ARHGEF3: variants seen among roughly 807,000 people sequenced by gnomAD.
The protein encoded by ARHGEF3 is Rho guanine nucleotide exchange factor 3, also known as 59.8 kDA protein.
In ARHGEF3, 28 loss-of-function variants were observed where a neutral mutation model predicts 63.2. The ratio of observed to expected loss-of-function variants is 0.44; its 90% CI spans 0.33 to 0.61. ARHGEF3 has a LOEUF of 0.61. ARHGEF3 is among the 20% of genes least tolerant of loss of function. The pLI is 0.03. For missense variants in ARHGEF3, 533 were observed against 659.3 expected (o/e 0.81, Z 2.10); for synonymous variants, 266 against 254.2 (o/e 1.05, Z -0.44).
chr3:56,780,857 T>C (rs1311311079), intron 1 of ARHGEF3, among the ~76,000 whole-genome samples: 1 of 152,258 alleles, frequency 6.6e-6, no homozygotes, highest in African/African-American at 2.4e-5. Flanking sequence ...TTACTGGTGA[T>C]GTTAACTTTG....
chr3:56,970,134 T>C, intron 2 of ARHGEF3, among the ~76,000 whole-genome samples: 1 of 152,194 alleles, frequency 6.6e-6, no homozygotes, highest in East Asian at 1.9e-4. Context: ...GTGCACAACC[T>C]TGTGAATGTA....
At chr3:56,873,790 T>C (rs1252394490) in intron 4 of ARHGEF3, among the ~76,000 whole-genome samples, 3 of 152,118 alleles carry the variant, frequency 2.0e-5, no homozygotes, top group African/African-American at 7.2e-5. Context: ...GAAACTGAGG[T>C]ACAGAATGAT....
chr3:57,012,803 C>G (rs1702758308), intron 2 of ARHGEF3, among the ~76,000 whole-genome samples: 1 of 152,214 alleles, frequency 6.6e-6, no homozygotes, highest in Non-Finnish European at 1.5e-5. Context: ...AGCCCTTCAG[C>G]CCACCGCTGC....
At chr3:56,839,323 C>T (rs1226646869) in intron 4 of ARHGEF3, among the ~76,000 whole-genome samples, 1 of 151,686 alleles carries the variant, frequency 6.6e-6, no homozygotes, top group Non-Finnish European at 1.5e-5. Context: ...GTTTTTTTAA[C>T]GTTTTGGGTT....
At chr3:56,775,717 T>A (rs1392855887) in intron 1 of ARHGEF3, 8 of 985,012 alleles carry the variant, frequency 8.1e-6, no homozygotes, top group Non-Finnish European at 7.2e-6. Context: ...TGAGCATTTG[T>A]GCTCAGAGGA....
intron 2 of ARHGEF3, among the ~76,000 whole-genome samples, chr3:56,988,205 G>A (rs1380872041): frequency 6.6e-6 from 1 of 152,216 alleles, no homozygotes; most frequent in Non-Finnish European, 1.5e-5. Context: ...GGAGTGCAGT[G>A]GCGCGATCTT....
intron 1 of ARHGEF3, among the ~76,000 whole-genome samples, chr3:57,071,242 G>C (rs1579219379): frequency 1.3e-5 from 2 of 152,100 alleles, no homozygotes; most frequent in South Asian, 4.2e-4. Context: ...ATGGTTCTGG[G>C]ACAACAGGAT....
At chr3:56,772,453 G>A (rs1364333347) in intron 2 of ARHGEF3, among the ~76,000 whole-genome samples, 3 of 152,212 alleles carry the variant, frequency 2.0e-5, no homozygotes, top group Non-Finnish European at 4.4e-5. Context: ...GACTCAGAAA[G>A]CAGAGATACA....
intron 2 of ARHGEF3, among the ~76,000 whole-genome samples, chr3:57,004,781 C>T (rs1242087745): frequency 2.0e-5 from 3 of 152,114 alleles, no homozygotes; most frequent in African/African-American, 4.8e-5. Flanking sequence ...GCCTAGGCAA[C>T]ATAGTGAGAC....
intron 4 of ARHGEF3, among the ~76,000 whole-genome samples, chr3:56,822,837 G>A (rs938980363): frequency 3.3e-5 from 4 of 122,368 alleles, no homozygotes; most frequent in Admixed American, 9.5e-5. Flanking sequence ...CAGGGTGACA[G>A]AGTAAGACTC....
At chr3:56,946,891 C>G (rs981823341) in intron 3 of ARHGEF3, among the ~76,000 whole-genome samples, 1 of 152,186 alleles carries the variant, frequency 6.6e-6, no homozygotes, top group Non-Finnish European at 1.5e-5. Context: ...GGTCAGGTTA[C>G]CCACAAAGGG....
At chr3:56,937,520 T>A (rs1671609974) in intron 3 of ARHGEF3, among the ~76,000 whole-genome samples, 1 of 152,158 alleles carries the variant, frequency 6.6e-6, no homozygotes, top group African/African-American at 2.4e-5. Context: ...TGTTTGAAAT[T>A]TTTCATAATA....
chr3:56,973,356 G>A (rs936983544), intron 2 of ARHGEF3, among the ~76,000 whole-genome samples: 1 of 152,138 alleles, frequency 6.6e-6, no homozygotes, highest in Admixed American at 6.5e-5. Context: ...ACTATCTACT[G>A]TGGATTAAGT....
chr3:56,821,032 G>A (rs2038469089), intron 4 of ARHGEF3, among the ~76,000 whole-genome samples: 1 of 151,640 alleles, frequency 6.6e-6, no homozygotes, highest in Admixed American at 6.6e-5. Context: ...TTTAGTAGGT[G>A]CATGCCTGTA....
chr3:56,981,870 C>T (rs1222148867), intron 2 of ARHGEF3, among the ~76,000 whole-genome samples: 1 of 152,184 alleles, frequency 6.6e-6, no homozygotes, highest in Admixed American at 6.5e-5. Context: ...CCCCATTCTT[C>T]TGCTAACAGC....
intron 2 of ARHGEF3, among the ~76,000 whole-genome samples, chr3:57,000,140 G>T (rs1702131170): frequency 6.6e-6 from 1 of 152,138 alleles, no homozygotes; most frequent in Non-Finnish European, 1.5e-5. Context: ...CTGGCATATG[G>T]TAAGGGCTCG....
intron 2 of ARHGEF3, among the ~76,000 whole-genome samples, chr3:56,974,608 G>A (rs1701049872): frequency 6.6e-6 from 1 of 152,156 alleles, no homozygotes; most frequent in Non-Finnish European, 1.5e-5. Context: ...ACCCGCAAAT[G>A]TTTCTGAAGT....
intron 1 of ARHGEF3, among the ~76,000 whole-genome samples, chr3:57,068,945 C>T (rs1166232609): frequency 1.3e-5 from 2 of 149,228 alleles, no homozygotes; most frequent in African/African-American, 2.5e-5. Flanking sequence ...TTTCTGAGAC[C>T]GAGTCTCGCT....
intron 4 of ARHGEF3, among the ~76,000 whole-genome samples, chr3:56,864,443 C>T (rs1159760262): frequency 6.6e-6 from 1 of 152,222 alleles, no homozygotes; most frequent in Non-Finnish European, 1.5e-5. Flanking sequence ...CTTCCTTGGC[C>T]TTTCATGACT....
Sources: allele counts gnomAD v4.1 joint callset (sites outside exome capture counted in the v4.1 genomes callset), GRCh38; gene constraint gnomAD v4.1.1; transcripts MANE v1.5; gene names NCBI Gene and HGNC (gene_info 2026-07-23, HGNC 2026-07-21).